The following RASSF8 variants were observed in gnomAD, a reference collection of about 807,000 sequenced individuals.
The protein encoded by RASSF8 is Ras association domain family member 8.
RASSF8 carries 22 observed loss-of-function variants against 48.5 expected under a neutral mutation model. The observed-to-expected ratio is 0.45, with a 90% CI of 0.32 to 0.65. RASSF8 has a LOEUF of 0.65. RASSF8 is among the 30% of genes least tolerant of loss of function. The pLI is 0.03. For missense variants in RASSF8, 418 were observed against 489.2 expected (o/e 0.85, Z 1.37); for synonymous variants, 127 against 171.5 (o/e 0.74, Z 2.03).
At chr12:26,079,272 A>G (rs1032753721) in exon 6 of RASSF8, 6 of 442,588 alleles carry the variant, frequency 1.4e-5, no homozygotes, top group Non-Finnish European at 2.4e-5. Context: ...ACTTAAAGAA[A>G]ACAAATAATC....
chr12:26,072,385 G>A lies in RASSF8; in HGVS notation c.*3567G>A. ...TCTCCAGAATAAGCTTTCGATGCCA[G>A]GACAGTGACTGCCTGAAAGCTGCAG... On this transcript the variant is annotated 3_prime_UTR_variant, in exon 6 of 6. Coordinates refer to ENST00000689635, the MANE Select transcript of RASSF8 (RefSeq NM_001394098.1). The A allele has an allele frequency of 1.0e-6, 1 of 984,910 alleles. No individual in the cohort carries two copies. The highest frequency in any genetic ancestry group is 1.2e-6 in the Non-Finnish European group (1 of 829,508). The allele number at this position is 984,910 out of a possible 1,614,324, so 61.0% of individuals were successfully genotyped here.
intron 1 of RASSF8, among the ~76,000 whole-genome samples, chr12:25,973,395 A>T (rs1489329648): frequency 6.6e-6 from 1 of 152,168 alleles, no homozygotes; most frequent in African/African-American, 2.4e-5. Context: ...TTTGTCACTT[A>T]GTAGTCATGG....
At chr12:26,030,365 C>T (rs1027222744) in intron 2 of RASSF8, among the ~76,000 whole-genome samples, 3 of 152,176 alleles carry the variant, frequency 2.0e-5, no homozygotes, top group African/African-American at 4.8e-5. Context: ...AGAGGGGCTA[C>T]AAGAAGCAGA....
intron 2 of RASSF8, among the ~76,000 whole-genome samples, chr12:26,037,019 A>G (rs534569864): frequency 3.3e-4 from 50 of 152,250 alleles, no homozygotes; most frequent in Non-Finnish European, 5.3e-4. Context: ...CTCAGAGTTT[A>G]TCTAATTTTA....
At chr12:26,022,734 ATTTC>A (rs964261639) in intron 2 of RASSF8, among the ~76,000 whole-genome samples, 3 of 151,816 alleles carry the variant, frequency 2.0e-5, no homozygotes, top group Non-Finnish European at 2.9e-5. Context: ...TCCACAGTTG[ATTTC>A]TTTCTTTCTT....
rs562740647 is a variant in RASSF8, at chr12:26,069,872, A to T, written c.*1054A>T. The stretch of plus-strand genomic sequence containing the variant: ...TCTTCCAGTCACTTAGATGGAAAGG[A>T]GGTTAAACCTAGGTACTTTTTAGCA... On this transcript the variant is annotated 3_prime_UTR_variant, in exon 6 of 6. Coordinates refer to ENST00000689635, the MANE Select transcript of RASSF8 (RefSeq NM_001394098.1). 4 of 984,238 alleles carry T rather than the reference A, an allele frequency of 4.1e-6. No individual in the cohort carries two copies. Among genetic ancestry groups the T allele is most frequent in the Non-Finnish European group, 4.8e-6 (4 of 828,858 alleles). 61.0% of individuals were successfully genotyped at this position (984,238 alleles called of 1,614,324 possible). A position where few individuals can be genotyped will look rare whatever the true frequency, so the allele number is the denominator to read the frequency against.
At chr12:26,046,081 G>C (rs745707285) in intron 2 of RASSF8, among the ~76,000 whole-genome samples, 46 of 152,164 alleles carry the variant, frequency 3.0e-4, no homozygotes, top group Non-Finnish European at 2.9e-5. Context: ...AGATGAGAGA[G>C]ACTGGAAGGA....
At chr12:25,987,170 G>A (rs1203404239) in intron 1 of RASSF8, among the ~76,000 whole-genome samples, 7 of 152,146 alleles carry the variant, frequency 4.6e-5, no homozygotes, top group Non-Finnish European at 8.8e-5. Flanking sequence ...CCAACCTCAG[G>A]TGATCCACCT....
rs1943696432 is a variant in RASSF8, at chr12:26,059,665, TAAC to T, written c.103+4222_103+4224del. ...TATTCATTTGCAATTTTAATATTTA[TAAC>T]AATAGTCTAATTTTTTATTTTAATT... is the stretch of plus-strand genomic sequence containing the variant. On this transcript the variant is annotated intron_variant, in intron 3 of 5. Coordinates refer to ENST00000689635, the MANE Select transcript of RASSF8 (RefSeq NM_001394098.1). Among the ~76,000 whole-genome samples the T allele has an allele frequency of 4.6e-5, 7 of 152,340 alleles. No homozygotes were observed. The South Asian group carries it at 1.4e-3, about 32-fold the overall frequency.
chr12:26,039,862 A>G (rs866183294), intron 2 of RASSF8, among the ~76,000 whole-genome samples: 2 of 152,328 alleles, frequency 1.3e-5, no homozygotes, highest in Middle Eastern at 3.4e-3. Flanking sequence ...AAAGAAATTA[A>G]TTGATTTGCC....
chr12:25,988,424 G>A (rs994399527), intron 1 of RASSF8, among the ~76,000 whole-genome samples: 27 of 152,222 alleles, frequency 1.8e-4, no homozygotes, highest in African/African-American at 6.3e-4. Context: ...CAAATCCGAT[G>A]AGCTAAGATG....
intron 2 of RASSF8, among the ~76,000 whole-genome samples, chr12:26,023,340 T>A (rs1041550113): frequency 4.6e-5 from 7 of 152,128 alleles, no homozygotes; most frequent in Admixed American, 3.9e-4. Context: ...AAGAGACACA[T>A]CATAGTAAAA....
At chr12:26,049,691 C>T (rs1943449414) in intron 2 of RASSF8, among the ~76,000 whole-genome samples, 1 of 152,214 alleles carries the variant, frequency 6.6e-6, no homozygotes, top group South Asian at 2.1e-4. Flanking sequence ...ACTGAGTGCC[C>T]TTGTAGCACT....
At position 26,064,879 on chromosome 12, in the gene RASSF8, C is replaced by T; in HGVS notation, c.485C>T (p.Thr162Ile). ...KQKVLNNCKTTADELKKLIRL... is the reference protein window; with the variant it reads ...KQKVLNNCKTIADELKKLIRL... ...AAGGTGCTGAATAACTGCAAAACAA[C>T]AGCAGATGAGTTGAAGAAGCTAATC... The change falls in exon 4 of 6, where the codon ACA becomes ATA. Residue 162 changes from threonine (T) to isoleucine (I), a missense_variant. Coordinates refer to ENST00000689635, the MANE Select transcript of RASSF8 (RefSeq NM_001394098.1). 1.2e-6 allele frequency: 2 copies of T among 1,614,186 alleles called. No homozygotes were observed. The highest frequency in any genetic ancestry group is 1.7e-6 in the Non-Finnish European group (2 of 1,180,026).
downstream of RASSF8, among the ~76,000 whole-genome samples, chr12:26,077,486 G>C (rs1270806300): frequency 6.6e-6 from 1 of 152,256 alleles, no homozygotes; most frequent in Non-Finnish European, 1.5e-5. Flanking sequence ...CATATGGCTA[G>C]CCAGTTTTCC....
At chr12:26,047,920 A>G (rs1231142827) in intron 2 of RASSF8, among the ~76,000 whole-genome samples, 1 of 152,242 alleles carries the variant, frequency 6.6e-6, no homozygotes, top group Admixed American at 6.5e-5. Context: ...GTAGAGAGAA[A>G]GGGAGCTGGC....
intron 1 of RASSF8, among the ~76,000 whole-genome samples, chr12:25,990,687 A>T (rs1941993897): frequency 6.6e-6 from 1 of 152,182 alleles, no homozygotes; most frequent in African/African-American, 2.4e-5. Flanking sequence ...AAGTCTTTGT[A>T]TTTTGATGAC....
At chr12:26,004,802 C>G (rs1025353204) in intron 2 of RASSF8, among the ~76,000 whole-genome samples, 3 of 151,942 alleles carry the variant, frequency 2.0e-5, no homozygotes, top group African/African-American at 7.2e-5. Flanking sequence ...AGGTTTTTAG[C>G]AAAATGAAAT....
At chr12:25,998,734 A>G (rs948271561) in intron 2 of RASSF8, among the ~76,000 whole-genome samples, 2 of 152,170 alleles carry the variant, frequency 1.3e-5, no homozygotes, top group Non-Finnish European at 2.9e-5. Flanking sequence ...AAAATTCTCA[A>G]AGAAAGAATA....
Sources: allele counts gnomAD v4.1 joint callset (sites outside exome capture counted in the v4.1 genomes callset), GRCh38; gene constraint gnomAD v4.1.1; transcripts MANE v1.5; gene names NCBI Gene and HGNC (gene_info 2026-07-23, HGNC 2026-07-21).